Variants in ADAMTS18 observed in about 807,000 individuals in gnomAD.
ADAMTS18 encodes the protein ADAM metallopeptidase with thrombospondin type 1 motif 18.
In ADAMTS18, 157 loss-of-function variants were observed where a neutral mutation model predicts 165.9. That is an observed-to-expected ratio of 0.95 (90% CI 0.83 to 1.08). The LOEUF (loss-of-function observed/expected upper bound fraction) is 1.08, where lower values mean the gene tolerates loss of function less well. Among genes scored for constraint, ADAMTS18 ranks in the 50% least tolerant of loss-of-function variants. The pLI, the probability that ADAMTS18 is intolerant of heterozygous loss-of-function variation, is 0.00. For synonymous variants in ADAMTS18, 782 were observed against 578.2 expected (o/e 1.35, Z -5.06); for missense variants, 2,040 against 1,534.0 (o/e 1.33, Z -5.51).
At chr16:77,429,892 T>A (rs2057717708) in intron 3 of ADAMTS18, among the ~76,000 whole-genome samples, 1 of 152,204 alleles carries the variant, frequency 6.6e-6, no homozygotes, top group Non-Finnish European at 1.5e-5. Context: ...GTTATTCCCA[T>A]CTTAGAAATA....
chr16:77,432,546 T>A (rs1366592993), intron 2 of ADAMTS18: 1 of 152,180 alleles, frequency 6.6e-6, no homozygotes, highest in Non-Finnish European at 1.5e-5. Context: ...CTGAAAAGCA[T>A]CATCCCACAA....
intron 3 of ADAMTS18, among the ~76,000 whole-genome samples, chr16:77,370,516 G>A (rs925760550): frequency 4.6e-5 from 7 of 152,080 alleles, no homozygotes; most frequent in African/African-American, 9.7e-5. Flanking sequence ...TTGGGAGGCC[G>A]AGGTGGGTGG....
chr16:77,301,983 T>C (rs1441906888), intron 16 of ADAMTS18, among the ~76,000 whole-genome samples: 1 of 149,816 alleles, frequency 6.7e-6, no homozygotes, highest in African/African-American at 2.4e-5. Context: ...TCTTTTATTT[T>C]GAAGATCTTT....
intron 10 of ADAMTS18, among the ~76,000 whole-genome samples, chr16:77,345,206 A>G (rs1052364062): frequency 6.6e-6 from 1 of 152,196 alleles, no homozygotes; most frequent in South Asian, 2.1e-4. Flanking sequence ...GAAAATGTTA[A>G]TGGCTTTTGC....
intron 16 of ADAMTS18, among the ~76,000 whole-genome samples, chr16:77,307,884 G>A (rs1404398207): frequency 2.6e-5 from 4 of 152,106 alleles, no homozygotes; most frequent in Non-Finnish European, 5.9e-5. Context: ...GTAATACTTC[G>A]TCAGTGGTGC....
intron 16 of ADAMTS18, among the ~76,000 whole-genome samples, chr16:77,317,905 C>T (rs886774523): frequency 1.3e-5 from 2 of 152,096 alleles, no homozygotes; most frequent in Non-Finnish European, 2.9e-5. Context: ...GAAGTAGCTA[C>T]CTCTGAAAAA....
chr16:77,376,858 A>G (rs576809276), intron 3 of ADAMTS18, among the ~76,000 whole-genome samples: 2 of 123,854 alleles, frequency 1.6e-5, no homozygotes, highest in Non-Finnish European at 3.2e-5. Context: ...TGCAACACCC[A>G]GGCTGGAGTG....
chr16:77,323,837 T>C (rs909221072), intron 13 of ADAMTS18, among the ~76,000 whole-genome samples: 1 of 151,968 alleles, frequency 6.6e-6, no homozygotes, highest in Non-Finnish European at 1.5e-5. Flanking sequence ...AGGCAGGGAG[T>C]CTATGTTTGA....
intron 3 of ADAMTS18, among the ~76,000 whole-genome samples, chr16:77,419,346 G>A (rs1188623922): frequency 6.6e-6 from 1 of 152,106 alleles, no homozygotes; most frequent in African/African-American, 2.4e-5. Flanking sequence ...TAGGACTGAA[G>A]CCCCCTTTCC....
At chr16:77,371,035 T>G (rs145700389) in intron 3 of ADAMTS18, among the ~76,000 whole-genome samples, 177 of 152,194 alleles carry the variant, frequency 1.2e-3, no homozygotes, top group African/African-American at 4.1e-3. Context: ...GGCAACATAG[T>G]GAAACCCTGT....
intron 3 of ADAMTS18, chr16:77,378,929 C>A (rs774500882): frequency 1.3e-5 from 2 of 152,114 alleles, no homozygotes; most frequent in African/African-American, 4.8e-5. Flanking sequence ...CATAAATATT[C>A]TTTCAGTTTA....
intron 3 of ADAMTS18, among the ~76,000 whole-genome samples, chr16:77,384,774 T>C (rs999391860): frequency 1.3e-5 from 2 of 152,152 alleles, no homozygotes; most frequent in Non-Finnish European, 2.9e-5. Flanking sequence ...TAAGCTACAT[T>C]ATCTAACATC....
intron 16 of ADAMTS18, among the ~76,000 whole-genome samples, chr16:77,313,379 C>T (rs909558075): frequency 6.6e-6 from 1 of 151,502 alleles, no homozygotes; most frequent in Non-Finnish European, 1.5e-5. Context: ...ACCAACATGG[C>T]ACATGTATAC....
At chr16:77,379,887 C>T (rs1189326938) in intron 3 of ADAMTS18, among the ~76,000 whole-genome samples, 18 of 152,262 alleles carry the variant, frequency 1.2e-4, no homozygotes, top group Admixed American at 6.5e-4. Flanking sequence ...GAGTCCTCTC[C>T]GCCTGTGGTT....
intron 12 of ADAMTS18, among the ~76,000 whole-genome samples, chr16:77,326,725 A>C (rs990286899): frequency 6.6e-6 from 1 of 152,232 alleles, no homozygotes; most frequent in Non-Finnish European, 1.5e-5. Flanking sequence ...AAATTTTTTA[A>C]AACTTTTATT....
chr16:77,285,161 A>C (rs16945449), intron 22 of ADAMTS18, among the ~76,000 whole-genome samples: 24,424 of 152,066 alleles, frequency 0.16, 2,267 homozygotes, highest in African/African-American at 0.25. Flanking sequence ...TTGTAGGAGC[A>C]AGGGCCCAGT....
At chr16:77,337,955 A>G (rs8044586) in intron 11 of ADAMTS18, among the ~76,000 whole-genome samples, 1,543 of 150,354 alleles carry the variant, frequency 0.01, 28 homozygotes, top group African/African-American at 0.036. Flanking sequence ...CCATGCTGGA[A>G]TGCAGTGGTG....
chr16:77,339,758 C>T lies in ADAMTS18; in HGVS notation c.1710+1946G>A, dbSNP rs1045743146. ...ACATTTCTATTAACATTTTCAAGAA[C>T]AGTCCTCATTGGGAATCCCTAAGAC... On this transcript the variant is annotated intron_variant, in intron 11 of 22. Transcript: ENST00000282849. Among the ~76,000 whole-genome samples the T allele has an allele frequency of 2.0e-5, 3 of 152,082 alleles. 1 individual carries two copies. Among genetic ancestry groups the T allele is most frequent in the African/African-American group, 7.2e-5 (3 of 41,422 alleles).
intron 3 of ADAMTS18, among the ~76,000 whole-genome samples, chr16:77,402,492 G>C (rs1012074274): frequency 7.2e-5 from 11 of 152,154 alleles, no homozygotes; most frequent in Admixed American, 2.0e-4. Flanking sequence ...GAGCATTTGA[G>C]GTTGAGAAGG....
Sources: gnomAD v4.1 joint callset for allele counts (sites outside exome capture counted in the v4.1 genomes callset) on GRCh38, gnomAD v4.1.1 for gene constraint, MANE v1.5 for transcripts, NCBI Gene and HGNC (gene_info 2026-07-23, HGNC 2026-07-21) for gene names.